The following RPRD1A variants were observed in gnomAD, a reference collection of about 807,000 sequenced individuals.
RPRD1A encodes regulation of nuclear pre-mRNA domain-containing protein 1A.
In RPRD1A, 9 loss-of-function variants were observed where a neutral mutation model predicts 37.8. The observed-to-expected ratio is 0.24, with a 90% CI of 0.14 to 0.42. The LOEUF (loss-of-function observed/expected upper bound fraction) is 0.42, where lower values mean the gene tolerates loss of function less well. Ranked by LOEUF, RPRD1A falls within the 10% of genes least tolerant of loss-of-function variation. RPRD1A has a pLI of 1.00. For synonymous variants in RPRD1A, 138 were observed against 139.7 expected (o/e 0.99, Z 0.08); for missense variants, 255 against 371.0 (o/e 0.69, Z 2.57).
chr18:36,066,171 C>CT (rs772005733), intron 1 of RPRD1A, among the ~76,000 whole-genome samples: 3 of 149,066 alleles, frequency 2.0e-5, no homozygotes, highest in Non-Finnish European at 3.0e-5. Context: ...AAAAACAAGG[C>CT]TGTAAATCAA....
intron 4 of RPRD1A, among the ~76,000 whole-genome samples, chr18:36,029,810 CT>C (rs1003109258): frequency 9.6e-4 from 139 of 145,038 alleles, no homozygotes; most frequent in Admixed American, 1.2e-3. Flanking sequence ...TCTAACACTA[CT>C]TTTTTTTTTT....
intron 1 of RPRD1A, among the ~76,000 whole-genome samples, 163 bp from the exon 2 acceptor site, chr18:36,034,000 T>C (rs1912004613): frequency 6.6e-6 from 1 of 152,148 alleles, no homozygotes. Context: ...AACCAGTCAC[T>C]GCTGCTAAAA....
intron 1 of RPRD1A, among the ~76,000 whole-genome samples, chr18:36,056,839 G>A (rs1913808551): frequency 6.6e-6 from 1 of 151,922 alleles, no homozygotes; most frequent in Non-Finnish European, 1.5e-5. Context: ...ACAGCAAGGT[G>A]ACTAAATAAA....
At chr18:36,033,556 A>ATAAATGTAT in intron 2 of RPRD1A, 152 bp downstream of exon 2, 1 of 534,192 alleles carries the variant, frequency 1.9e-6, no homozygotes, top group Non-Finnish European at 3.0e-6. Context: ...TAATACATTT[A>ATAAATGTAT]TAAATGCCAT....
intron 1 of RPRD1A, among the ~76,000 whole-genome samples, chr18:36,060,000 CTTACTTT>C (rs2088873607): frequency 6.6e-6 from 1 of 152,124 alleles, no homozygotes; most frequent in African/African-American, 2.4e-5. Flanking sequence ...GCATTGTCTA[CTTACTTT>C]TTCAATTCTA....
At chr18:36,063,917 C>A (rs2088965199) in intron 1 of RPRD1A, 1 of 152,262 alleles carries the variant, frequency 6.6e-6, no homozygotes, top group Non-Finnish European at 1.5e-5. Context: ...CTACCACCCT[C>A]CTCCTAAAGC....
At chr18:36,000,077 A>C (rs891986422) in intron 6 of RPRD1A, among the ~76,000 whole-genome samples, 1 of 152,172 alleles carries the variant, frequency 6.6e-6, no homozygotes, top group African/African-American at 2.4e-5. Flanking sequence ...AATAAGGCCA[A>C]GACATTCCAT....
chr18:36,044,022 A>AAGTAAGCT (rs1912784298), intron 1 of RPRD1A, among the ~76,000 whole-genome samples: 1 of 152,156 alleles, frequency 6.6e-6, no homozygotes, highest in South Asian at 2.1e-4. Flanking sequence ...TCTGACACTA[A>AAGTAAGCT]AGTAAGCTAG....
intron 2 of RPRD1A, among the ~76,000 whole-genome samples, chr18:36,032,352 A>G (rs1454502732): frequency 6.6e-6 from 1 of 152,244 alleles, no homozygotes; most frequent in East Asian, 1.9e-4. Context: ...GGCAACATAT[A>G]TAGAAGACTT....
intron 6 of RPRD1A, among the ~76,000 whole-genome samples, chr18:36,019,984 G>A (rs959062228): frequency 9.2e-5 from 14 of 152,128 alleles, no homozygotes; most frequent in African/African-American, 2.7e-4. Flanking sequence ...AGGTTGCAGC[G>A]AGCTGAGATC....
intron 6 of RPRD1A, among the ~76,000 whole-genome samples, chr18:36,008,825 ACTCTC>A (rs1233665378): frequency 8.0e-5 from 12 of 150,790 alleles, no homozygotes; most frequent in African/African-American, 1.5e-4. Flanking sequence ...CACTTGTTCC[ACTCTC>A]CTCTCATTTC....
intron 1 of RPRD1A, chr18:36,040,791 GT>G: frequency 6.8e-7 from 1 of 1,463,116 alleles, no homozygotes; most frequent in Non-Finnish European, 9.2e-7. Context: ...GAAGAAAAGT[GT>G]TTTTATTCAC....
At chr18:36,032,097 T>A (rs1187310901) in intron 2 of RPRD1A, among the ~76,000 whole-genome samples, 34 of 152,250 alleles carry the variant, frequency 2.2e-4, no homozygotes, top group Admixed American at 2.2e-3. Flanking sequence ...CCCCAAATAG[T>A]TGTTCTTTAT....
At chr18:36,046,568 G>C (rs1057202421) in intron 1 of RPRD1A, among the ~76,000 whole-genome samples, 2 of 151,978 alleles carry the variant, frequency 1.3e-5, no homozygotes, top group Non-Finnish European at 2.9e-5. Flanking sequence ...AGTGGCACAT[G>C]CCTGTAATCT....
At chr18:36,061,740 G>T (rs1277239072) in intron 1 of RPRD1A, among the ~76,000 whole-genome samples, 2 of 152,180 alleles carry the variant, frequency 1.3e-5, no homozygotes, top group Non-Finnish European at 1.5e-5. Context: ...TTTGTGGTAT[G>T]AATCTAATAC....
At chr18:36,013,778 C>A (rs553042843) in intron 6 of RPRD1A, among the ~76,000 whole-genome samples, 1 of 152,182 alleles carries the variant, frequency 6.6e-6, no homozygotes, top group South Asian at 2.1e-4. Context: ...ATTTCTGACA[C>A]ATGAATCAAG....
At chr18:35,996,882 A>G (rs1909094931) in intron 6 of RPRD1A, among the ~76,000 whole-genome samples, 1 of 151,278 alleles carries the variant, frequency 6.6e-6, no homozygotes, top group Non-Finnish European at 1.5e-5. Flanking sequence ...CAGGAGACTA[A>G]AGTGGGAGTC....
chr18:36,007,350 T>G (rs939146480), intron 6 of RPRD1A, among the ~76,000 whole-genome samples: 3 of 152,284 alleles, frequency 2.0e-5, no homozygotes, highest in Admixed American at 2.0e-4. Context: ...ATGATACTTG[T>G]GACAAGAAAC....
chr18:35,993,882 G>A lies in RPRD1A; in HGVS notation c.790-582C>T, dbSNP rs116014278. Among the ~76,000 whole-genome samples, 1,393 of 152,312 alleles carry A rather than the reference G, an allele frequency of 9.1e-3. 26 individuals carry two copies. The highest frequency in any genetic ancestry group is 0.032 in the African/African-American group (1,314 of 41,574). On this transcript the variant is annotated intron_variant, in intron 6 of 6. Transcript: ENST00000399022. ...CTAAGTCCTGAGATAGAGCAGGGAA[G>A]AGCCTGGGGACTCCCTCCTGTCCAG...
Sources: allele counts gnomAD v4.1 joint callset (sites outside exome capture counted in the v4.1 genomes callset), GRCh38; gene constraint gnomAD v4.1.1; transcripts MANE v1.5; gene names NCBI Gene and HGNC (gene_info 2026-07-23, HGNC 2026-07-21).